The following CAMK2B variants were observed in gnomAD, a reference collection of about 807,000 sequenced individuals.
The protein encoded by CAMK2B is calcium/calmodulin dependent protein kinase II beta.
Under a neutral mutation model 93.7 loss-of-function variants are expected in CAMK2B, and 27 were observed. The observed-to-expected ratio is 0.29, with a 90% CI of 0.21 to 0.40. The LOEUF is 0.40. Ranked by LOEUF, CAMK2B falls within the 10% of genes least tolerant of loss-of-function variation. The pLI, the probability that CAMK2B is intolerant of heterozygous loss-of-function variation, is 1.00. For synonymous variants in CAMK2B, 374 were observed against 358.8 expected (o/e 1.04, Z -0.48); for missense variants, 568 against 895.8 (o/e 0.63, Z 4.67).
At chr7:44,240,315 C>G (rs542325108) in intron 12 of CAMK2B, among the ~76,000 whole-genome samples, 1 of 152,352 alleles carries the variant, frequency 6.6e-6, no homozygotes, top group African/African-American at 2.4e-5. Context: ...CCCGCATCAC[C>G]CCGCATCCCT....
chr7:44,234,611 G>C (rs556315879), intron 14 of CAMK2B, 28 bp downstream of exon 14: 2 of 1,613,460 alleles, frequency 1.2e-6, no homozygotes, highest in Admixed American at 1.7e-5. Context: ...GGGCTCCCCG[G>C]CACCACAGGG....
intron 1 of CAMK2B, among the ~76,000 whole-genome samples, chr7:44,288,451 G>A (rs890288623): frequency 2.6e-5 from 4 of 152,302 alleles, no homozygotes; most frequent in South Asian, 4.1e-4. Context: ...GTGCTCCTAC[G>A]GGATCCCAGG....
Position 44,226,546 on chromosome 7 carries a change from G to T in CAMK2B, c.1567C>A (p.Pro523Thr). The change falls in exon 20 of 24, where the codon CCG becomes ACG. Residue 523 changes from proline to threonine, a missense_variant. Pro to Thr is a conservative substitution (Grantham distance 38). Coordinates refer to ENST00000395749, the MANE Select transcript of CAMK2B (RefSeq NM_001220.5). ...SPVGPPPCPS[P>T]TIPGPLPTPS... is the part of the protein sequence containing the mutation. The stretch of plus-strand genomic sequence containing the variant: ...GTGGGCAGGGGGCCAGGGATAGTCG[G>T]AGATGGGCAGGGCGGGGGCCCCACT... 6.8e-7 allele frequency: 1 copy of T among 1,476,052 alleles called. No homozygotes were observed. Among genetic ancestry groups the T allele is most frequent in the Non-Finnish European group, 8.9e-7 (1 of 1,118,300 alleles). 91.4% of individuals were successfully genotyped at this position (1,476,052 alleles called of 1,614,324 possible). A position where few individuals can be genotyped will look rare whatever the true frequency, so the allele number is the denominator to read the frequency against.
At chr7:44,254,024 C>T (rs991620356) in intron 5 of CAMK2B, among the ~76,000 whole-genome samples, 1 of 151,970 alleles carries the variant, frequency 6.6e-6, no homozygotes, top group African/African-American at 2.4e-5. Context: ...CGAGAGACAT[C>T]CTTGTCAGGT....
intron 2 of CAMK2B, among the ~76,000 whole-genome samples, chr7:44,278,807 T>A: frequency 6.6e-6 from 1 of 152,226 alleles, no homozygotes; most frequent in Admixed American, 6.5e-5. Context: ...TCTGGGTCAT[T>A]TTCTGGAGAC....
rs1017274992 is a variant in CAMK2B, at chr7:44,242,428, C to T, written c.697-88G>A. On this transcript the variant is annotated intron_variant, in intron 9 of 23. Transcript: ENST00000395749. The stretch of plus-strand genomic sequence containing the variant: ...CTCCAAGGGGCTTCATCTCCAGCCA[C>T]GAATCTGGGAGAGCAGGACCCAGGA... 14 of 1,560,386 alleles carry T rather than the reference C, an allele frequency of 9.0e-6. No individual in the cohort carries two copies. The African/African-American group carries it at 1.2e-4, about 14-fold the overall frequency.
chr7:44,256,617 T>C (rs1054446563), intron 4 of CAMK2B, among the ~76,000 whole-genome samples: 1 of 152,258 alleles, frequency 6.6e-6, no homozygotes, highest in Non-Finnish European at 1.5e-5. Context: ...AGTGTTGTGC[T>C]ATAACTGTTT....
intron 2 of CAMK2B, among the ~76,000 whole-genome samples, chr7:44,277,803 C>T (rs906525718): frequency 1.3e-5 from 2 of 152,172 alleles, no homozygotes; most frequent in Admixed American, 6.5e-5. Context: ...CCTCTCCATC[C>T]CCCACCTCCC....
intron 1 of CAMK2B, among the ~76,000 whole-genome samples, chr7:44,321,778 A>T (rs1256835952): frequency 6.6e-6 from 1 of 152,226 alleles, no homozygotes; most frequent in Non-Finnish European, 1.5e-5. Flanking sequence ...GAGGCTGAAT[A>T]CAAAATGTGA....
At chr7:44,289,261 C>T (rs1402884066) in intron 1 of CAMK2B, among the ~76,000 whole-genome samples, 3 of 152,312 alleles carry the variant, frequency 2.0e-5, no homozygotes, top group East Asian at 1.9e-4. Flanking sequence ...TCATGCTGGT[C>T]GCACTGCGGC....
intron 1 of CAMK2B, among the ~76,000 whole-genome samples, chr7:44,306,679 G>A (rs537198284): frequency 6.6e-6 from 1 of 152,222 alleles, no homozygotes; most frequent in South Asian, 2.1e-4. Context: ...GGGGTTGCTG[G>A]AGAACTGTCA....
intron 13 of CAMK2B, among the ~76,000 whole-genome samples, chr7:44,238,501 C>T (rs1562855731): frequency 6.6e-6 from 1 of 152,234 alleles, no homozygotes; most frequent in Non-Finnish European, 1.5e-5. Flanking sequence ...GGAGGGCTCT[C>T]CCGGGGTGCT....
chr7:44,249,764 G>C (rs139827600), intron 5 of CAMK2B, among the ~76,000 whole-genome samples: 290 of 152,196 alleles, frequency 1.9e-3, no homozygotes, highest in African/African-American at 6.5e-3. Flanking sequence ...CTTCCTCATC[G>C]ACCTTCTTTC....
intron 5 of CAMK2B, among the ~76,000 whole-genome samples, chr7:44,254,157 C>G (rs2096809566): frequency 6.6e-6 from 1 of 152,162 alleles, no homozygotes; most frequent in Non-Finnish European, 1.5e-5. Flanking sequence ...AGCAGCCGGG[C>G]CACAAACAGT....
chr7:44,286,585 A>G lies in CAMK2B; in HGVS notation c.66-2360T>C, dbSNP rs116752232. ...GCAAGCCACAGCTGTTCCTCAGCAC[A>G]CGACATCCATGCACCATATCACCAA... On this transcript the variant is annotated intron_variant, in intron 1 of 23. Transcript: ENST00000395749. The surrounding 1 kb of genome is among the most constrained non-coding windows in gnomAD (Gnocchi z 4.0). Among the ~76,000 whole-genome samples the G allele has an allele frequency of 1.6e-3, 248 of 152,288 alleles. No homozygotes were observed. The highest frequency in any genetic ancestry group is 5.6e-3 in the African/African-American group (234 of 41,574).
intron 2 of CAMK2B, among the ~76,000 whole-genome samples, chr7:44,275,910 G>A (rs564286569): frequency 1.3e-5 from 2 of 152,280 alleles, no homozygotes; most frequent in African/African-American, 2.4e-5. Context: ...CCCTGGGGCA[G>A]GGGAGGGGGC....
At chr7:44,226,409 C>A in intron 20 of CAMK2B, 107 bp downstream of exon 20, 2 of 933,968 alleles carry the variant, frequency 2.1e-6, no homozygotes, top group East Asian at 6.5e-5. Flanking sequence ...ATCCTGTGCC[C>A]CGCCCTCCTC....
intron 5 of CAMK2B, among the ~76,000 whole-genome samples, chr7:44,253,722 C>T (rs2096802725): frequency 6.6e-6 from 1 of 152,116 alleles, no homozygotes; most frequent in Admixed American, 6.6e-5. Flanking sequence ...CTCAGCTTCC[C>T]AAGTGGCTGA....
intron 13 of CAMK2B, among the ~76,000 whole-genome samples, chr7:44,235,378 C>T (rs2096615967): frequency 6.6e-6 from 1 of 152,246 alleles, no homozygotes; most frequent in African/African-American, 2.4e-5. Flanking sequence ...ATACTTGGTC[C>T]CAGCAGCGGG....
Sources: allele counts gnomAD v4.1 joint callset (sites outside exome capture counted in the v4.1 genomes callset), GRCh38; gene constraint gnomAD v4.1.1; non-coding constraint Gnocchi (gnomAD v3.1); transcripts MANE v1.5; gene names NCBI Gene and HGNC (gene_info 2026-07-23, HGNC 2026-07-21).